Variants in MXD1 observed in about 807,000 individuals in gnomAD.
MXD1 encodes MAX dimerization protein 1.
Under a neutral mutation model 25.7 loss-of-function variants are expected in MXD1, and 9 were observed. The observed-to-expected ratio is 0.35, with a 90% CI of 0.21 to 0.61. The LOEUF (loss-of-function observed/expected upper bound fraction) is 0.61, where lower values mean the gene tolerates loss of function less well. MXD1 is among the 20% of genes least tolerant of loss of function. The pLI, the probability that MXD1 is intolerant of heterozygous loss-of-function variation, is 0.75. For synonymous variants in MXD1, 99 were observed against 113.9 expected (o/e 0.87, Z 0.83); for missense variants, 227 against 292.4 (o/e 0.78, Z 1.63).
At chr2:69,930,740 A>T (rs1456387514) in intron 3 of MXD1, among the ~76,000 whole-genome samples, 1 of 152,336 alleles carries the variant, frequency 6.6e-6, no homozygotes, top group East Asian at 1.9e-4. Context: ...GGAATATCAT[A>T]GTGCTCTTAT....
chr2:69,934,508 C>T (rs1011376761), intron 3 of MXD1, among the ~76,000 whole-genome samples: 3 of 152,140 alleles, frequency 2.0e-5, no homozygotes, highest in African/African-American at 7.2e-5. Context: ...ACTCCAAGAA[C>T]AAAAAGTATA....
chr2:69,916,374 G>A (rs1676963076), intron 2 of MXD1, 154 bp downstream of exon 2: 2 of 502,432 alleles, frequency 4.0e-6, no homozygotes, highest in East Asian at 3.4e-5. Flanking sequence ...GCCATTGCAG[G>A]AAGCTGTTTC....
chr2:69,929,407 C>A (rs938797526), intron 3 of MXD1, among the ~76,000 whole-genome samples: 1 of 152,126 alleles, frequency 6.6e-6, no homozygotes, highest in African/African-American at 2.4e-5. Flanking sequence ...GAATCTATTC[C>A]CCAATTTGCA....
intron 3 of MXD1, among the ~76,000 whole-genome samples, chr2:69,933,906 G>A (rs1677359084): frequency 6.6e-6 from 1 of 152,180 alleles, no homozygotes; most frequent in African/African-American, 2.4e-5. Context: ...AGACCCCAGG[G>A]AACTCTGCTC....
At chr2:69,931,997 C>G (rs1031688821) in intron 3 of MXD1, among the ~76,000 whole-genome samples, 42 of 152,188 alleles carry the variant, frequency 2.8e-4, no homozygotes, top group Admixed American at 2.5e-3. Flanking sequence ...CTGGGTCACA[C>G]TGAGGTGTCG....
chr2:69,932,122 G>A (rs1573407583), intron 3 of MXD1, among the ~76,000 whole-genome samples: 2 of 152,142 alleles, frequency 1.3e-5, no homozygotes, highest in Admixed American at 6.5e-5. Context: ...TGAGAAAAGA[G>A]AGCTGAGACG....
intron 4 of MXD1, 116 bp from the exon 5 acceptor site, chr2:69,937,119 C>T: frequency 2.9e-6 from 4 of 1,364,968 alleles, no homozygotes; most frequent in Non-Finnish European, 4.2e-6. Flanking sequence ...ATGAGTGGCA[C>T]CGAAAGGCGT....
chr2:69,918,271 T>C (rs936769627), intron 2 of MXD1, among the ~76,000 whole-genome samples: 1 of 152,238 alleles, frequency 6.6e-6, no homozygotes, highest in Non-Finnish European at 1.5e-5. Context: ...CTGTGCTTTT[T>C]GCTTGTAGAG....
Position 69,915,285 on chromosome 2 carries a change from C to G in MXD1, c.-46C>G. The G allele has an allele frequency of 3.9e-6, 5 of 1,296,786 alleles. No homozygotes were observed. Among genetic ancestry groups the G allele is most frequent in the Non-Finnish European group, 4.9e-6 (5 of 1,013,268 alleles). The allele number at this position is 1,296,786 out of a possible 1,614,324, so 80.3% of individuals were successfully genotyped here. On this transcript the variant is annotated 5_prime_UTR_variant, in exon 1 of 6. Coordinates refer to ENST00000264444, the MANE Select transcript of MXD1 (RefSeq NM_002357.4). The surrounding 1 kb of genome is among the most constrained non-coding windows in gnomAD (Gnocchi z 5.8). ...AGCGGTCCGGCGGCGGCAGCGAGCC[C>G]GTGGGCAGTGGGGGTTGGTCCCGTG...
chr2:69,939,554 A>G lies in MXD1; in HGVS notation c.*1270A>G, dbSNP rs1677547752. 6.6e-6 allele frequency: 1 copy of G among 152,664 alleles called. No individual in the cohort carries two copies. Among genetic ancestry groups the G allele is most frequent in the African/African-American group, 2.4e-5 (1 of 41,458 alleles). 9.5% of individuals were successfully genotyped at this position (152,664 alleles called of 1,614,324 possible). A position where few individuals can be genotyped will look rare whatever the true frequency, so the allele number is the denominator to read the frequency against. On this transcript the variant is annotated 3_prime_UTR_variant, in exon 6 of 6. Coordinates refer to ENST00000264444, the MANE Select transcript of MXD1 (RefSeq NM_002357.4). ...TTTATATAAACTAATGTAATGGAAA[A>G]CAAATTCTTATGACTTTGTGGTTTT...
chr2:69,926,905 G>A (rs7573442), intron 3 of MXD1, among the ~76,000 whole-genome samples: 80,971 of 152,032 alleles, frequency 0.53, 23,455 homozygotes, highest in African/African-American at 0.78. Flanking sequence ...TGGCTCTGGC[G>A]TCTCCTTTAA....
At chr2:69,932,236 GTA>G (rs1425840536) in intron 3 of MXD1, among the ~76,000 whole-genome samples, 1 of 152,164 alleles carries the variant, frequency 6.6e-6, no homozygotes, top group Non-Finnish European at 1.5e-5. Context: ...GTGTGTCTGT[GTA>G]TGTGTGTGTG....
At chr2:69,918,127 T>C (rs1676994745) in intron 2 of MXD1, among the ~76,000 whole-genome samples, 1 of 152,162 alleles carries the variant, frequency 6.6e-6, no homozygotes, top group South Asian at 2.1e-4. Context: ...CTTGACCCCA[T>C]GGTTTGAATC....
In MXD1 at chr2:69,939,644, T is replaced by C. The variant is rs1558574593; in HGVS notation, c.*1360T>C. On this transcript the variant is annotated 3_prime_UTR_variant, in exon 6 of 6. Transcript: ENST00000264444. The stretch of plus-strand genomic sequence containing the variant: ...ATTAGTTCATTCCCCTGAATATTTT[T>C]GCATTCATATTTTTGAGGTCTTGAT... 3 of 152,804 alleles carry C rather than the reference T, an allele frequency of 2.0e-5. No homozygotes were observed. Among genetic ancestry groups the C allele is most frequent in the East Asian group, 3.9e-4 (2 of 5,194 alleles). 9.5% of individuals were successfully genotyped at this position (152,804 alleles called of 1,614,324 possible). A position where few individuals can be genotyped will look rare whatever the true frequency, so the allele number is the denominator to read the frequency against.
chr2:69,917,169 A>G lies in MXD1; in HGVS notation c.173+949A>G, dbSNP rs543442469. ...TTGGATATCCTCTGTGGCTTAATAC[A>G]GACCAGGAATTTCCCACTTAAACCT... On this transcript the variant is annotated intron_variant, in intron 2 of 5. Transcript: ENST00000264444. Among the ~76,000 whole-genome samples the G allele has an allele frequency of 7.3e-4, 111 of 152,342 alleles. No homozygotes were observed. In the Middle Eastern group the frequency reaches 0.01, roughly 14 times the overall value.
chr2:69,920,153 TA>T (rs1199852449), intron 2 of MXD1, among the ~76,000 whole-genome samples: 1 of 152,160 alleles, frequency 6.6e-6, no homozygotes. Flanking sequence ...CACGCCCGGC[TA>T]ATTTTTGTAT....
At chr2:69,929,978 T>C (rs1284678222) in intron 3 of MXD1, among the ~76,000 whole-genome samples, 1 of 152,376 alleles carries the variant, frequency 6.6e-6, no homozygotes, top group African/African-American at 2.4e-5. Flanking sequence ...TTCAAAAATT[T>C]TGGCAGTGTC....
In MXD1 at chr2:69,916,165, G is replaced by A. The variant is rs372659432; in HGVS notation, c.118G>A (p.Asp40Asn). Residue 40 changes from aspartate to asparagine, a missense_variant, in exon 2 of 6, where the codon GAC becomes AAC. Asp to Asn is a conservative substitution (Grantham distance 23). Coordinates refer to ENST00000264444, the MANE Select transcript of MXD1 (RefSeq NM_002357.4). ...CTCCATGTTACCATACAATAACAAG[G>A]ACAGAGATGCCTTAAAACGGAGGAA... ...YASMLPYNNKDRDALKRRNKS... is the reference protein window; with the variant it reads ...YASMLPYNNKNRDALKRRNKS... 13 of 1,613,346 alleles carry A rather than the reference G, an allele frequency of 8.1e-6. No homozygotes were observed. In the African/African-American group the frequency reaches 9.3e-5, roughly 12 times the overall value.
At position 69,915,505 on chromosome 2, in the gene MXD1, G is replaced by T; in HGVS notation, c.73+102G>T. 2 of 990,054 alleles carry T rather than the reference G, an allele frequency of 2.0e-6. No individual in the cohort carries two copies. Among genetic ancestry groups the T allele is most frequent in the South Asian group, 4.5e-5 (1 of 22,014 alleles). The allele number at this position is 990,054 out of a possible 1,614,324, so 61.3% of individuals were successfully genotyped here. On this transcript the variant is annotated intron_variant, in intron 1 of 5. Transcript: ENST00000264444. This position sits in a 1 kb window ranked among gnomAD's most constrained non-coding sequence, Gnocchi z 5.8. ...AGCCGCTCCGGGGGTGGTTGGAGGC[G>T]GGGAGACCGCGAGCGCTCCCAACCC...
Sources: allele counts gnomAD v4.1 joint callset (sites outside exome capture counted in the v4.1 genomes callset), GRCh38; gene constraint gnomAD v4.1.1; non-coding constraint Gnocchi (gnomAD v3.1); transcripts MANE v1.5; gene names NCBI Gene and HGNC (gene_info 2026-07-23, HGNC 2026-07-21).